Variants in ABHD17C observed in about 807,000 individuals in gnomAD.
The protein encoded by ABHD17C is alpha/beta hydrolase domain-containing protein 17C.
ABHD17C carries 11 observed loss-of-function variants against 27.9 expected under a neutral mutation model. The ratio of observed to expected loss-of-function variants is 0.39; its 90% CI spans 0.25 to 0.65. ABHD17C has a LOEUF of 0.65. ABHD17C is among the 30% of genes least tolerant of loss of function. ABHD17C has a pLI of 0.45. For synonymous variants in ABHD17C, 233 were observed against 209.1 expected (o/e 1.11, Z -0.98); for missense variants, 280 against 470.2 (o/e 0.60, Z 3.74).
chr15:80,706,995 G>T, intron 1 of ABHD17C, among the ~76,000 whole-genome samples: 1 of 152,174 alleles, frequency 6.6e-6, no homozygotes. Context: ...TATACAAGAA[G>T]ACTGGATAAA....
chr15:80,722,395 T>G (rs1434880064), intron 1 of ABHD17C, among the ~76,000 whole-genome samples: 1 of 151,898 alleles, frequency 6.6e-6, no homozygotes, highest in Non-Finnish European at 1.5e-5. Flanking sequence ...AAGAACTGCT[T>G]TGTTGCGCTG....
chr15:80,734,175 G>C (rs1221937533), intron 1 of ABHD17C, among the ~76,000 whole-genome samples: 1 of 151,966 alleles, frequency 6.6e-6, no homozygotes, highest in East Asian at 1.9e-4. Context: ...GGTAGAGATA[G>C]GGATTCACCA....
intron 1 of ABHD17C, among the ~76,000 whole-genome samples, chr15:80,737,791 G>A (rs62008995): frequency 0.095 from 14,376 of 152,098 alleles, 849 homozygotes; most frequent in South Asian, 0.19. Context: ...CAGGCAGGGG[G>A]TGTTTATGAG....
At chr15:80,704,665 C>T (rs1003236968) in intron 1 of ABHD17C, 27 of 152,204 alleles carry the variant, frequency 1.8e-4, no homozygotes, top group African/African-American at 6.0e-4. Flanking sequence ...CATGTGGACA[C>T]CCCAGGATGC....
At chr15:80,698,179 C>G (rs567169964) in intron 1 of ABHD17C, among the ~76,000 whole-genome samples, 75 of 151,434 alleles carry the variant, frequency 5.0e-4, no homozygotes, top group Middle Eastern at 3.4e-3. Context: ...ATTCTCCTAC[C>G]TCAGCCTCCC....
chr15:80,726,057 T>TA (rs1894969967), intron 1 of ABHD17C, among the ~76,000 whole-genome samples: 1 of 152,222 alleles, frequency 6.6e-6, no homozygotes, highest in Admixed American at 6.5e-5. Context: ...CTATAGATAT[T>TA]AAGTTAACTA....
At chr15:80,711,464 T>TCCC (rs1398709673) in intron 1 of ABHD17C, among the ~76,000 whole-genome samples, 1 of 152,200 alleles carries the variant, frequency 6.6e-6, no homozygotes, top group Non-Finnish European at 1.5e-5. Context: ...GCAGGTGATT[T>TCCC]CCCATAGGAG....
chr15:80,705,525 AG>A lies in ABHD17C; in HGVS notation c.590+9507del, dbSNP rs1420781746. 2.6e-5 allele frequency among the ~76,000 whole-genome samples: 4 copies of A among 152,274 alleles called. No homozygotes were observed. The East Asian group carries it at 5.8e-4, about 22-fold the overall frequency. ...AACCACCTTGTCAGTTGCTTAACAC[AG>A]TGCTTTCCACATAGTAAGAGGATGG... On this transcript the variant is annotated intron_variant, in intron 1 of 2. Transcript: ENST00000258884.
chr15:80,743,614 C>T (rs571692436), intron 1 of ABHD17C, among the ~76,000 whole-genome samples: 6 of 152,250 alleles, frequency 3.9e-5, no homozygotes, highest in Non-Finnish European at 5.9e-5. Context: ...CAAGGTCTCA[C>T]TCCCATCGCC....
intron 1 of ABHD17C, among the ~76,000 whole-genome samples, chr15:80,719,253 AAAG>A (rs1894854572): frequency 6.6e-6 from 1 of 152,242 alleles, no homozygotes. Flanking sequence ...GACTTTCTGC[AAAG>A]AAGTGAGAAT....
At chr15:80,697,368 C>G (rs1348865133) in intron 1 of ABHD17C, among the ~76,000 whole-genome samples, 5 of 152,312 alleles carry the variant, frequency 3.3e-5, no homozygotes, top group African/African-American at 1.2e-4. Flanking sequence ...AAGTATGTGT[C>G]ACACACAGTC....
rs138690326 is a variant in ABHD17C, at chr15:80,741,423, GT to G, written c.591-8088del. Among the ~76,000 whole-genome samples, 575 of 151,418 alleles carry G rather than the reference GT, an allele frequency of 3.8e-3. 6 individuals carry two copies. The highest frequency in any genetic ancestry group is 0.013 in the African/African-American group (546 of 41,482). On this transcript the variant is annotated intron_variant, in intron 1 of 2. Transcript: ENST00000258884. ...GTAGATCCTACCAACTTTGGCAGCAGTTGTCTTTTTTCTTATTAAGTTGAGA... is the reference window on the plus strand; with the variant it reads ...GTAGATCCTACCAACTTTGGCAGCAGTGTCTTTTTTCTTATTAAGTTGAGA...
intron 1 of ABHD17C, among the ~76,000 whole-genome samples, chr15:80,739,120 G>A (rs1226003851): frequency 2.6e-5 from 4 of 152,146 alleles, no homozygotes; most frequent in Admixed American, 2.0e-4. Flanking sequence ...GGAACCAGAG[G>A]AGAACATTTT....
chr15:80,730,306 T>C (rs142423986), intron 1 of ABHD17C, among the ~76,000 whole-genome samples: 3,707 of 152,308 alleles, frequency 0.024, 158 homozygotes, highest in African/African-American at 0.082. Context: ...TTCCCCGTCC[T>C]GCATAGCCCA....
intron 2 of ABHD17C, among the ~76,000 whole-genome samples, chr15:80,750,909 C>T (rs1895357169): frequency 6.6e-6 from 1 of 151,700 alleles, no homozygotes; most frequent in South Asian, 2.1e-4. Flanking sequence ...CTTAAATTAG[C>T]ATATACCTTA....
At chr15:80,736,986 T>C (rs969617476) in intron 1 of ABHD17C, among the ~76,000 whole-genome samples, 2 of 152,230 alleles carry the variant, frequency 1.3e-5, no homozygotes, top group African/African-American at 2.4e-5. Flanking sequence ...GCTGCTGAGA[T>C]GGCTGCCAAA....
intron 1 of ABHD17C, among the ~76,000 whole-genome samples, chr15:80,713,354 C>CTTTTGTTTTTTTTTTTTTTTTTTTTT (rs1894753382): frequency 2.3e-5 from 1 of 43,854 alleles, no homozygotes; most frequent in Non-Finnish European, 3.7e-5. Flanking sequence ...AGGTCTTGTT[C>CTTTTGTTTTTTTTTTTTTTTTTTTTT]TTTTTTTTTT....
intron 1 of ABHD17C, among the ~76,000 whole-genome samples, chr15:80,715,033 G>C (rs960280645): frequency 9.2e-5 from 14 of 152,146 alleles, no homozygotes; most frequent in Non-Finnish European, 2.1e-4. Flanking sequence ...CGCCCACCTC[G>C]GCCTCCCAAA....
At chr15:80,742,932 T>C (rs1205915916) in intron 1 of ABHD17C, among the ~76,000 whole-genome samples, 1 of 143,950 alleles carries the variant, frequency 6.9e-6, no homozygotes, top group East Asian at 2.0e-4. Flanking sequence ...TTGGTACTTC[T>C]GATAGCTGTT....
Sources: allele counts gnomAD v4.1 joint callset (sites outside exome capture counted in the v4.1 genomes callset), GRCh38; gene constraint gnomAD v4.1.1; transcripts MANE v1.5; gene names NCBI Gene and HGNC (gene_info 2026-07-23, HGNC 2026-07-21).